The following SUGCT variants were observed in gnomAD, a reference collection of about 807,000 sequenced individuals.
SUGCT encodes succinyl-CoA:glutarate-CoA transferase.
In SUGCT, 41 loss-of-function variants were observed where a neutral mutation model predicts 55.0. The ratio of observed to expected loss-of-function variants is 0.74; its 90% CI spans 0.58 to 0.97. SUGCT has a LOEUF of 0.97. Ranked by LOEUF, SUGCT falls within the 50% of genes least tolerant of loss-of-function variation. The pLI is 0.00. For missense variants in SUGCT, 568 were observed against 547.8 expected (o/e 1.04, Z -0.37); for synonymous variants, 187 against 200.4 (o/e 0.93, Z 0.56).
At chr7:40,880,327 C>T in the SUGCT span, among the ~76,000 whole-genome samples, 1 of 152,148 alleles carries the variant, frequency 6.6e-6, no homozygotes, top group Admixed American at 6.5e-5. Context: ...TCTATACTCC[C>T]TGCTGCAAAT....
intron 12 of SUGCT, among the ~76,000 whole-genome samples, chr7:40,641,833 A>G (rs370178137): frequency 1.1e-4 from 16 of 152,322 alleles, no homozygotes; most frequent in Non-Finnish European, 2.2e-4. Context: ...TTTCACATCC[A>G]TGTCAATATC....
chr7:40,850,279 C>T (rs1793786503), intron 13 of SUGCT, among the ~76,000 whole-genome samples: 1 of 152,174 alleles, frequency 6.6e-6, no homozygotes, highest in South Asian at 2.1e-4. Flanking sequence ...CTCACCAGCT[C>T]TGTGACCCTG....
intron 12 of SUGCT, among the ~76,000 whole-genome samples, chr7:40,605,558 T>C (rs1485347858): frequency 6.6e-6 from 1 of 152,188 alleles, no homozygotes; most frequent in Non-Finnish European, 1.5e-5. Context: ...GCACCGACTA[T>C]GTACCTGCCA....
At chr7:41,030,211 A>G in the SUGCT span, among the ~76,000 whole-genome samples, 1 of 151,292 alleles carries the variant, frequency 6.6e-6, no homozygotes, top group Non-Finnish European at 1.5e-5. Flanking sequence ...TGCCATGTGC[A>G]GGTTTTTATG....
At chr7:40,727,936 C>T (rs1050312855) in intron 12 of SUGCT, among the ~76,000 whole-genome samples, 7 of 152,150 alleles carry the variant, frequency 4.6e-5, no homozygotes, top group African/African-American at 1.7e-4. Context: ...ACTGTTCTAG[C>T]ATATATCTGT....
At chr7:40,905,721 T>C in the SUGCT span, among the ~76,000 whole-genome samples, 1 of 151,934 alleles carries the variant, frequency 6.6e-6, no homozygotes, top group Non-Finnish European at 1.5e-5. Flanking sequence ...TTTTTCTTTT[T>C]TTTTTTTCTT....
At chr7:40,769,431 G>T (rs979467686) in intron 13 of SUGCT, among the ~76,000 whole-genome samples, 1 of 152,204 alleles carries the variant, frequency 6.6e-6, no homozygotes, top group Non-Finnish European at 1.5e-5. Flanking sequence ...ATTCAAGGAT[G>T]TTAACTTAAT....
chr7:40,473,186 G>T (rs1404817114), intron 11 of SUGCT, among the ~76,000 whole-genome samples: 13 of 152,080 alleles, frequency 8.5e-5, no homozygotes. Flanking sequence ...AACAATTTAT[G>T]CATGCTGTTT....
intron 13 of SUGCT, among the ~76,000 whole-genome samples, chr7:40,828,448 G>A (rs1792466879): frequency 6.6e-6 from 1 of 152,032 alleles, no homozygotes; most frequent in Admixed American, 6.5e-5. Flanking sequence ...AGCAGGGGAT[G>A]GAGAAAAGGC....
At chr7:40,541,443 AG>A (rs1200188869) in intron 12 of SUGCT, among the ~76,000 whole-genome samples, 2 of 152,180 alleles carry the variant, frequency 1.3e-5, no homozygotes, top group Non-Finnish European at 2.9e-5. Flanking sequence ...ATCCTCAAAC[AG>A]GTCTATATTG....
chr7:40,184,961 A>G (rs796355476), intron 3 of SUGCT, among the ~76,000 whole-genome samples: 1 of 152,204 alleles, frequency 6.6e-6, no homozygotes, highest in Non-Finnish European at 1.5e-5. Context: ...TATTCTTAAG[A>G]GGCCAAAGCA....
the SUGCT span, chr7:40,964,569 T>C: frequency 6.6e-6 from 1 of 152,230 alleles, no homozygotes; most frequent in Admixed American, 6.5e-5. Flanking sequence ...TAGCCAATGG[T>C]GTGCACCACT....
chr7:40,193,210 A>AT (rs1786025186), intron 5 of SUGCT, among the ~76,000 whole-genome samples: 1 of 147,054 alleles, frequency 6.8e-6, no homozygotes, highest in South Asian at 2.1e-4. Context: ...CAAGTGATCT[A>AT]TCCCCCCGAC....
intron 12 of SUGCT, among the ~76,000 whole-genome samples, chr7:40,526,886 G>A (rs1793825342): frequency 6.6e-6 from 1 of 152,126 alleles, no homozygotes; most frequent in South Asian, 2.1e-4. Context: ...TTCCCTTGAT[G>A]CCAGAAGATG....
intron 12 of SUGCT, among the ~76,000 whole-genome samples, chr7:40,739,847 G>A (rs2128703563): frequency 6.6e-6 from 1 of 152,218 alleles, no homozygotes; most frequent in East Asian, 1.9e-4. Flanking sequence ...ATCAGATAGA[G>A]TAATTATCTC....
intron 1 of SUGCT, among the ~76,000 whole-genome samples, chr7:40,173,681 T>G (rs1162648803): frequency 6.6e-6 from 1 of 152,132 alleles, no homozygotes; most frequent in Non-Finnish European, 1.5e-5. Flanking sequence ...AAGCCCCGTG[T>G]TTAAAGGTGG....
chr7:40,913,748 T>C, the SUGCT span, among the ~76,000 whole-genome samples: 1 of 152,150 alleles, frequency 6.6e-6, no homozygotes, highest in South Asian at 2.1e-4. Flanking sequence ...TATATGTGTT[T>C]TTATTCTGGG....
the SUGCT span, among the ~76,000 whole-genome samples, chr7:40,981,547 C>T: frequency 6.6e-6 from 1 of 152,182 alleles, no homozygotes; most frequent in Admixed American, 6.5e-5. Context: ...GAGAAATTTT[C>T]AAATCTTTAA....
At chr7:40,687,842 GCTTC>G (rs1322828294) in intron 12 of SUGCT, among the ~76,000 whole-genome samples, 1 of 152,166 alleles carries the variant, frequency 6.6e-6, no homozygotes, top group Non-Finnish European at 1.5e-5. Flanking sequence ...TTCTGTGAAG[GCTTC>G]CAGGTTCTAT....
Sources: gnomAD v4.1 joint callset for allele counts (sites outside exome capture counted in the v4.1 genomes callset) on GRCh38, gnomAD v4.1.1 for gene constraint, MANE v1.5 for transcripts, NCBI Gene and HGNC (gene_info 2026-07-23, HGNC 2026-07-21) for gene names.